RIMS2: variants seen among roughly 807,000 people sequenced by gnomAD.
RIMS2 encodes regulating synaptic membrane exocytosis 2.
In RIMS2, 59 loss-of-function variants were observed where a neutral mutation model predicts 174.4. That is an observed-to-expected ratio of 0.34 (90% CI 0.27 to 0.42). The LOEUF is 0.42. RIMS2 is among the 10% of genes least tolerant of loss of function. RIMS2 has a pLI of 1.00. For synonymous variants in RIMS2, 606 were observed against 572.5 expected, an observed-to-expected ratio of 1.06 and a Z score of -0.84; for missense variants, 1,620 against 1,666.3, an observed-to-expected ratio of 0.97 and a Z score of 0.48.
chr8:103,822,479 T>C (rs2098757923), intron 3 of RIMS2, among the ~76,000 whole-genome samples: 1 of 151,472 alleles, frequency 6.6e-6, no homozygotes, highest in Non-Finnish European at 1.5e-5. Context: ...AGTGAATTAA[T>C]TAACTAATGA....
At chr8:103,677,465 C>G (rs2096829381) in intron 1 of RIMS2, among the ~76,000 whole-genome samples, 1 of 152,062 alleles carries the variant, frequency 6.6e-6, no homozygotes, top group South Asian at 2.1e-4. Context: ...CTTCTGAACC[C>G]AGTTCAGATA....
At chr8:104,239,468 A>C (rs757186766) in intron 19 of RIMS2, among the ~76,000 whole-genome samples, 6 of 152,132 alleles carry the variant, frequency 3.9e-5, no homozygotes, top group Non-Finnish European at 7.3e-5. Context: ...CTCAACAACA[A>C]CACCATCTGG....
At chr8:103,522,252 G>T (rs560278067) in intron 1 of RIMS2, among the ~76,000 whole-genome samples, 26 of 152,178 alleles carry the variant, frequency 1.7e-4, no homozygotes, top group African/African-American at 5.8e-4. Context: ...GGGTTTTACT[G>T]CATCTACTTA....
chr8:103,602,118 TG>T (rs2094781067), intron 1 of RIMS2, among the ~76,000 whole-genome samples: 1 of 152,150 alleles, frequency 6.6e-6, no homozygotes, highest in African/African-American at 2.4e-5. Flanking sequence ...CCTGAGTAGC[TG>T]GGACTACAGG....
intron 20 of RIMS2, among the ~76,000 whole-genome samples, chr8:104,246,999 G>GGGGCAA (rs149401085): frequency 6.6e-6 from 1 of 151,100 alleles, no homozygotes; most frequent in African/African-American, 2.4e-5. Context: ...TGAGTGCTGA[G>GGGGCAA]GGGGCAAGGG....
intron 1 of RIMS2, among the ~76,000 whole-genome samples, chr8:103,583,766 G>GGACCTA (rs2093747823): frequency 6.6e-6 from 1 of 152,148 alleles, no homozygotes; most frequent in Non-Finnish European, 1.5e-5. Context: ...CATACTTATA[G>GGACCTA]GACCTAGAAC....
intron 19 of RIMS2, among the ~76,000 whole-genome samples, chr8:104,192,246 T>C (rs995965642): frequency 2.0e-5 from 3 of 152,100 alleles, no homozygotes; most frequent in African/African-American, 7.2e-5. Context: ...TAGTGCTGAG[T>C]GATATACTTT....
intron 1 of RIMS2, among the ~76,000 whole-genome samples, chr8:103,608,373 G>C (rs2095226778): frequency 7.0e-6 from 1 of 143,510 alleles, no homozygotes; most frequent in Non-Finnish European, 1.5e-5. Flanking sequence ...CTGCGTACTG[G>C]GAGAACCACT....
At chr8:104,004,897 C>G (rs1172844444) in intron 17 of RIMS2, among the ~76,000 whole-genome samples, 2 of 151,938 alleles carry the variant, frequency 1.3e-5, no homozygotes, top group African/African-American at 2.4e-5. Context: ...TGTTATTAAA[C>G]CATTGTTAGT....
intron 19 of RIMS2, among the ~76,000 whole-genome samples, chr8:104,197,082 T>G (rs917144160): frequency 3.3e-5 from 5 of 152,200 alleles, no homozygotes; most frequent in African/African-American, 4.8e-5. Context: ...TTCTCATTGT[T>G]GTGTTTGTCA....
At chr8:104,189,876 G>C (rs1186399744) in intron 19 of RIMS2, among the ~76,000 whole-genome samples, 1 of 151,784 alleles carries the variant, frequency 6.6e-6, no homozygotes, top group Non-Finnish European at 1.5e-5. Context: ...GAGCTGGAAG[G>C]GACCATCTAA....
chr8:103,714,335 A>G lies in RIMS2; in HGVS notation c.387+17039A>G, dbSNP rs113759452. Among the ~76,000 whole-genome samples the G allele has an allele frequency of 5.0e-3, 761 of 152,318 alleles. 8 individuals carry two copies. The highest frequency in any genetic ancestry group is 0.017 in the African/African-American group (722 of 41,576). On this transcript the variant is annotated intron_variant, in intron 2 of 23. Coordinates refer to ENST00000504942, the Ensembl canonical transcript of RIMS2. ...GATAACAATCTAAACTTGTGGATGA[A>G]TTAAAAATATAAACTATACAGACAG...
chr8:103,739,391 A>G (rs2097730703), intron 2 of RIMS2, among the ~76,000 whole-genome samples: 2 of 152,108 alleles, frequency 1.3e-5, no homozygotes, highest in African/African-American at 2.4e-5. Flanking sequence ...GGGTAGAGGG[A>G]AGGGGGAGGG....
rs543404768 is a variant in RIMS2, at chr8:103,587,437, A to G, written c.176+86375A>G. On this transcript the variant is annotated intron_variant, in intron 1 of 23. Transcript: ENST00000504942. ...GAAAGAAAGAAAGAAAGAAAGAAAG[A>G]AAGAAAGAAAGAAAGAAAGAAAGAA... Among the ~76,000 whole-genome samples the G allele has an allele frequency of 7.2e-4, 89 of 123,426 alleles. No individual in the cohort carries two copies. In the Middle Eastern group the frequency reaches 0.024, roughly 33 times the overall value. 81.0% of individuals were successfully genotyped at this position (123,426 alleles called of 152,430 possible). A position where few individuals can be genotyped will look rare whatever the true frequency, so the allele number is the denominator to read the frequency against.
chr8:103,917,804 G>T (rs1486450100), intron 8 of RIMS2, among the ~76,000 whole-genome samples: 5 of 152,008 alleles, frequency 3.3e-5, no homozygotes, highest in Non-Finnish European at 7.4e-5. Flanking sequence ...TTGAAGTCAG[G>T]AGTTCAAAAC....
At position 103,909,595 on chromosome 8, in the gene RIMS2, G is replaced by A. The variant is rs557844816; in HGVS notation, c.1625-539G>A. 5.9e-5 allele frequency among the ~76,000 whole-genome samples: 9 copies of A among 151,854 alleles called. No homozygotes were observed. In the South Asian group the frequency reaches 1.0e-3, roughly 18 times the overall value. On this transcript the variant is annotated intron_variant, in intron 4 of 23. Coordinates refer to ENST00000504942, the Ensembl canonical transcript of RIMS2. ...CTTTTGTGAAAACAATTTTTTTAAC[G>A]ACACAAATTTCTTAGGAGGTTTTAG...
chr8:103,666,250 T>G (rs1460002137), intron 1 of RIMS2, among the ~76,000 whole-genome samples: 1 of 152,196 alleles, frequency 6.6e-6, no homozygotes, highest in Non-Finnish European at 1.5e-5. Context: ...TGCCTGAAAC[T>G]CAGTGATTGG....
intron 19 of RIMS2, among the ~76,000 whole-genome samples, chr8:104,152,631 A>T (rs2098696547): frequency 6.6e-6 from 1 of 152,212 alleles, no homozygotes; most frequent in South Asian, 2.1e-4. Flanking sequence ...TTAGATATTA[A>T]ATTATCAAAA....
chr8:103,973,733 T>C (rs961047746), intron 15 of RIMS2, among the ~76,000 whole-genome samples: 10 of 152,218 alleles, frequency 6.6e-5, no homozygotes, highest in African/African-American at 2.4e-4. Flanking sequence ...CAGTTCTGTA[T>C]TTCTCTGGTT....
Sources: allele counts gnomAD v4.1 joint callset (sites outside exome capture counted in the v4.1 genomes callset), GRCh38; gene constraint gnomAD v4.1.1; transcripts MANE v1.5; gene names NCBI Gene and HGNC (gene_info 2026-07-23, HGNC 2026-07-21).